Variants in UBN1 observed in about 807,000 individuals in gnomAD.
The protein encoded by UBN1 is ubinuclein 1, also known as ubinuclein-1.
UBN1 carries 17 observed loss-of-function variants against 108.5 expected under a neutral mutation model. The observed-to-expected ratio is 0.16, with a 90% CI of 0.11 to 0.24. The LOEUF is 0.24. Ranked by LOEUF, UBN1 falls within the 10% of genes least tolerant of loss-of-function variation. The probability of loss-of-function intolerance (pLI) is 1.00; values close to 1 mark genes in which losing one functional copy is unlikely to be tolerated. For missense variants in UBN1, 1,595 were observed against 1,394.4 expected, an observed-to-expected ratio of 1.14 and a Z score of -2.29; for synonymous variants, 726 against 564.2, an observed-to-expected ratio of 1.29 and a Z score of -4.07.
rs2086890581 is a variant in UBN1 at position 4,857,992 on chromosome 16, G to C, written c.252G>C (p.Lys84Asn). Residue 84 changes from lysine to asparagine, a missense_variant and splice_region_variant, in exon 3 of 18, where the codon AAG becomes AAC. Around this residue, in one of 3 missense-constraint regions of UBN1, gnomAD observed 181 missense variants for 157.3 expected, o/e 1.15. Coordinates refer to ENST00000262376, the MANE Select transcript of UBN1 (RefSeq NM_001079514.3). ...TTTGTGGAACGATCTCTTTACAGAA[G>C]AAAGATCTGTCAGATCCTTTCAATG... ...KVKGLQPGDK[K>N]KDLSDPFNDE... The C allele has an allele frequency of 6.2e-7, 1 of 1,609,726 alleles. No homozygotes were observed. Among genetic ancestry groups the C allele is most frequent in the South Asian group, 1.1e-5 (1 of 90,624 alleles).
chr16:4,860,860 C>T lies in UBN1; in HGVS notation c.868C>T (p.Leu290Phe), dbSNP rs191701746. ...RELEGASDPL[L>F]SLFGSTSDND... ...ACTGGAGGGTGCCTCTGACCCCTTG[C>T]TCTCACTCTTTGGCTCTACTTCTGA... Residue 290 changes from leucine (L) to phenylalanine (F), a missense_variant, in exon 7 of 18, where the codon CTC (leucine) becomes TTC (phenylalanine). Physicochemically the swap from Leu to Phe is conservative, Grantham distance 22 (BLOSUM62 0). Around this residue, in one of 3 missense-constraint regions of UBN1, gnomAD observed 1,398 missense variants for 1,194.7 expected, o/e 1.17. Coordinates refer to ENST00000262376, the MANE Select transcript of UBN1 (RefSeq NM_001079514.3). 3 of 1,614,154 alleles carry T rather than the reference C, an allele frequency of 1.9e-6. No homozygotes were observed. The highest frequency in any genetic ancestry group is 1.3e-5 in the African/African-American group (1 of 74,952).
At chr16:4,872,184 G>A (rs1222567445) in intron 12 of UBN1, 7 of 985,100 alleles carry the variant, frequency 7.1e-6, no homozygotes, top group East Asian at 1.1e-4. Context: ...TCCTCTCTAC[G>A]TAGGCTGGAC....
At chr16:4,866,818 C>A (rs1304164439) in intron 7 of UBN1, among the ~76,000 whole-genome samples, 1 of 152,200 alleles carries the variant, frequency 6.6e-6, no homozygotes, top group Non-Finnish European at 1.5e-5. Flanking sequence ...GGCCAAGGTT[C>A]CATTCTTGTC....
chr16:4,857,700 A>G (rs980300355), intron 2 of UBN1, among the ~76,000 whole-genome samples: 2 of 152,230 alleles, frequency 1.3e-5, no homozygotes, highest in Non-Finnish European at 2.9e-5. Flanking sequence ...GTGGTTGTGT[A>G]GCGACTGGGC....
intron 7 of UBN1, among the ~76,000 whole-genome samples, chr16:4,862,590 A>G (rs556053710): frequency 9.2e-5 from 14 of 152,336 alleles, no homozygotes; most frequent in Admixed American, 2.6e-4. Context: ...ATTGTTTCTT[A>G]GCTTCTGAAA....
At position 4,882,352 on chromosome 16, in the gene UBN1, T is replaced by A. The variant is rs1275704329; in HGVS notation, c.*2220T>A. ...AGCAATTCAATAAATTGTTTCAAGG[T>A]TTCCAAAACATTTTTTCTCACTCTT... is the stretch of plus-strand genomic sequence containing the variant. On this transcript the variant is annotated 3_prime_UTR_variant, in exon 18 of 18. Transcript: ENST00000262376. 6.6e-6 allele frequency: 1 copy of A among 152,470 alleles called. No homozygotes were observed. The highest frequency in any genetic ancestry group is 6.6e-5 in the Admixed American group (1 of 15,256). The allele number at this position is 152,470 out of a possible 1,614,324, so 9.4% of individuals were successfully genotyped here. A position where few individuals can be genotyped will look rare whatever the true frequency, so the allele number is the denominator to read the frequency against.
At chr16:4,871,819 C>CT (rs2087654712) in intron 12 of UBN1, among the ~76,000 whole-genome samples, 1 of 152,100 alleles carries the variant, frequency 6.6e-6, no homozygotes, top group Admixed American at 6.5e-5. Context: ...ATCTCCTGAC[C>CT]TTGTGATCTG....
At position 4,875,075 on chromosome 16, in the gene UBN1, C is replaced by T. The variant is rs773586787; in HGVS notation, c.2665C>T (p.Pro889Ser). The change falls in exon 15 of 18, where the codon CCA becomes TCA. Residue 889 changes from proline to serine, a missense_variant. Coordinates refer to ENST00000262376, the MANE Select transcript of UBN1 (RefSeq NM_001079514.3). The stretch of plus-strand genomic sequence containing the variant: ...TTCTGCCCTGAGCCATCCAGCAAAG[C>T]CACATTCAGTCAGCTCTGCAGGCTC... Reference protein sequence around the residue: ...SSSALSHPAKPHSVSSAGSSY... With the variant: ...SSSALSHPAKSHSVSSAGSSY... 2.5e-6 allele frequency: 4 copies of T among 1,613,934 alleles called. No individual in the cohort carries two copies. The East Asian group carries it at 8.9e-5, about 36-fold the overall frequency.
At chr16:4,875,516 G>C (rs1255171631) in intron 15 of UBN1, 82 bp downstream of exon 15, 1 of 1,521,724 alleles carries the variant, frequency 6.6e-7, no homozygotes, top group East Asian at 2.3e-5. Context: ...CCCGGGTGGA[G>C]AGTGAGATCT....
chr16:4,871,146 C>T lies in UBN1; in HGVS notation c.1560-9C>T. Reference sequence around the variant, plus strand: ...AGTTTGGAGTTTCTGATTTCTGCCTCCTTCTCAGGGAGCTACTGTGCCAGG... The same window carrying T: ...AGTTTGGAGTTTCTGATTTCTGCCTTCTTCTCAGGGAGCTACTGTGCCAGG... On this transcript the variant is annotated splice_polypyrimidine_tract_variant and intron_variant, in intron 11 of 17. Coordinates refer to ENST00000262376, the MANE Select transcript of UBN1 (RefSeq NM_001079514.3). The T allele has an allele frequency of 6.2e-7, 1 of 1,613,566 alleles. No homozygotes were observed. Among genetic ancestry groups the T allele is most frequent in the Non-Finnish European group, 8.5e-7 (1 of 1,179,856 alleles).
At position 4,858,675 on chromosome 16, in the gene UBN1, C is replaced by A; in HGVS notation, c.432+12C>A. ...ATAACTCTGAGGCGGTAAGTAGTTA[C>A]TGAAAATGCCGTGTCAGACCCACTG... On this transcript the variant is annotated intron_variant, in intron 4 of 17. Transcript: ENST00000262376. The A allele has an allele frequency of 6.2e-7, 1 of 1,613,066 alleles. No individual in the cohort carries two copies. Among genetic ancestry groups the A allele is most frequent in the Non-Finnish European group, 8.5e-7 (1 of 1,179,074 alleles).
At chr16:4,871,053 T>G in intron 11 of UBN1, 81 bp downstream of exon 11, 4 of 1,602,916 alleles carry the variant, frequency 2.5e-6, no homozygotes, top group Non-Finnish European at 3.4e-6. Context: ...TGACAAAGGT[T>G]AGGCTCATTT....
At chr16:4,879,707 G>T (rs986404250) in intron 17 of UBN1, among the ~76,000 whole-genome samples, 1 of 152,244 alleles carries the variant, frequency 6.6e-6, no homozygotes, top group Non-Finnish European at 1.5e-5. Flanking sequence ...TACAGGACCT[G>T]AGGGTCTTTT....
chr16:4,860,506 A>G (rs1023318275), intron 6 of UBN1, among the ~76,000 whole-genome samples, 158 bp from the exon 7 acceptor site: 1 of 152,212 alleles, frequency 6.6e-6, no homozygotes, highest in Admixed American at 6.5e-5. Flanking sequence ...CTCAGCAAGA[A>G]CGAGCTCCAT....
At chr16:4,861,250 A>T in intron 7 of UBN1, 148 bp downstream of exon 7, 1 of 930,406 alleles carries the variant, frequency 1.1e-6, no homozygotes, top group Non-Finnish European at 1.6e-6. Flanking sequence ...TCTCATCCTG[A>T]GGGAGAAAAC....
At chr16:4,876,763 G>C in intron 15 of UBN1, 108 bp from the exon 16 acceptor site, 1 of 1,491,216 alleles carries the variant, frequency 6.7e-7, no homozygotes, top group Non-Finnish European at 8.9e-7. Context: ...GGATGTGTAT[G>C]TCCTCCTTTG....
At chr16:4,859,670 G>A (rs1384461049) in intron 5 of UBN1, among the ~76,000 whole-genome samples, 195 bp from the exon 6 acceptor site, 1 of 152,190 alleles carries the variant, frequency 6.6e-6, no homozygotes, top group Non-Finnish European at 1.5e-5. Flanking sequence ...TCTCAGCCCT[G>A]GGTGTTTCCA....
intron 7 of UBN1, among the ~76,000 whole-genome samples, chr16:4,863,908 G>C (rs938703154): frequency 6.6e-6 from 1 of 152,090 alleles, no homozygotes. Flanking sequence ...GCCCTTGAGA[G>C]CTAGCCTTAG....
chr16:4,849,595 T>C (rs2086438397), intron 1 of UBN1, among the ~76,000 whole-genome samples: 1 of 151,218 alleles, frequency 6.6e-6, no homozygotes, highest in Admixed American at 6.6e-5. Context: ...TTTGTTTTTT[T>C]CTTTTTTTTG....
Sources: allele counts gnomAD v4.1 joint callset (sites outside exome capture counted in the v4.1 genomes callset), GRCh38; gene constraint gnomAD v4.1.1; regional missense constraint gnomAD v4.1.1; transcripts MANE v1.5; gene names NCBI Gene and HGNC (gene_info 2026-07-23, HGNC 2026-07-21).